Variants in MGMT observed in about 807,000 individuals in gnomAD.
The protein encoded by MGMT is O-6-methylguanine-DNA methyltransferase, also known as methylated-DNA--protein-cysteine methyltransferase.
Under a neutral mutation model 15.9 loss-of-function variants are expected in MGMT, and 14 were observed. The ratio of observed to expected loss-of-function variants is 0.88; its 90% CI spans 0.58 to 1.37. MGMT has a LOEUF of 1.37. Ranked by LOEUF, MGMT falls within the 40% of genes most tolerant of loss-of-function variation. The pLI is 0.00. For missense variants in MGMT, 282 were observed against 268.1 expected (o/e 1.05, Z -0.36); for synonymous variants, 130 against 118.2 (o/e 1.10, Z -0.65).
intron 1 of MGMT, among the ~76,000 whole-genome samples, chr10:129,510,404 G>A (rs59082584): frequency 0.069 from 10,456 of 152,178 alleles, 1,205 homozygotes; most frequent in African/African-American, 0.24. Flanking sequence ...GAGGGCCTGC[G>A]GGTGCCCTTG....
chr10:129,507,008 T>C (rs1267361151), intron 1 of MGMT, among the ~76,000 whole-genome samples: 1 of 152,188 alleles, frequency 6.6e-6, no homozygotes. Context: ...CATCACCAGG[T>C]TACTTGAGAT....
intron 2 of MGMT, among the ~76,000 whole-genome samples, chr10:129,685,539 G>A (rs1222770434): frequency 2.0e-5 from 3 of 152,092 alleles, no homozygotes; most frequent in African/African-American, 2.4e-5. Context: ...TCCTCTCCCC[G>A]GGGCCCTTTC....
chr10:129,668,165 A>G (rs1196124321), intron 2 of MGMT, among the ~76,000 whole-genome samples: 3 of 152,176 alleles, frequency 2.0e-5, no homozygotes, highest in African/African-American at 7.2e-5. Flanking sequence ...GAACGTGAAG[A>G]AAACATATTC....
chr10:129,526,828 T>C (rs1484970877), intron 1 of MGMT, among the ~76,000 whole-genome samples: 1 of 152,252 alleles, frequency 6.6e-6, no homozygotes, highest in Admixed American at 6.5e-5. Context: ...GAAGAGTTTC[T>C]GTTTCTGGGT....
chr10:129,733,284 G>T (rs1193718527), intron 3 of MGMT, among the ~76,000 whole-genome samples: 55 of 151,150 alleles, frequency 3.6e-4, no homozygotes, highest in African/African-American at 1.2e-3. Context: ...ATTGTGGTTT[G>T]GATTTGCATT....
At chr10:129,665,741 G>T (rs1465323071) in intron 2 of MGMT, among the ~76,000 whole-genome samples, 1 of 152,180 alleles carries the variant, frequency 6.6e-6, no homozygotes, top group Non-Finnish European at 1.5e-5. Context: ...ACACCAACAA[G>T]GGTGAGTTTT....
chr10:129,631,255 G>A (rs987468894), intron 2 of MGMT, among the ~76,000 whole-genome samples: 4 of 152,112 alleles, frequency 2.6e-5, no homozygotes, highest in African/African-American at 9.7e-5. Context: ...GTTAAGGGTA[G>A]AAAATAGAGG....
At chr10:129,652,115 T>A (rs944058471) in intron 2 of MGMT, among the ~76,000 whole-genome samples, 1 of 151,986 alleles carries the variant, frequency 6.6e-6, no homozygotes, top group African/African-American at 2.4e-5. Context: ...GGGGCTTGTG[T>A]GAATGGGGGA....
chr10:129,467,343 C>T (rs1312947989), intron 1 of MGMT, 47 bp downstream of exon 1: 2 of 1,505,200 alleles, frequency 1.3e-6, no homozygotes, highest in East Asian at 5.3e-5. Context: ...GGAGCTCTCC[C>T]TCGGGACGGT....
At chr10:129,501,117 T>C (rs1845569985) in intron 1 of MGMT, among the ~76,000 whole-genome samples, 1 of 152,228 alleles carries the variant, frequency 6.6e-6, no homozygotes, top group African/African-American at 2.4e-5. Flanking sequence ...ACACAGGTCC[T>C]TTCTTGCTCT....
intron 2 of MGMT, among the ~76,000 whole-genome samples, chr10:129,686,721 G>A (rs781776080): frequency 2.0e-5 from 3 of 152,124 alleles, no homozygotes; most frequent in Non-Finnish European, 4.4e-5. Flanking sequence ...TGTCCTGGAC[G>A]GTATTTCCTA....
chr10:129,684,953 T>G (rs35206234), intron 2 of MGMT, among the ~76,000 whole-genome samples: 7,171 of 152,334 alleles, frequency 0.047, 231 homozygotes, highest in Non-Finnish European at 0.072. Flanking sequence ...CTAAGCGATT[T>G]GCATCTTGAT....
rs371970141 is a variant in MGMT, at chr10:129,539,500, C to CTTTTG, written c.125+3144_125+3148dup. ...TTGGTTAGGTAGCTTTGTGATACAT[C>CTTTTG]TTTTGTTTTGTTTTGTTTTGTTTTG... is the stretch of plus-strand genomic sequence containing the variant. On this transcript the variant is annotated intron_variant, in intron 2 of 4. Transcript: ENST00000651593. 2.8e-3 allele frequency among the ~76,000 whole-genome samples: 424 copies of CTTTTG among 152,132 alleles called. 1 individual carries two copies. Among genetic ancestry groups the CTTTTG allele is most frequent in the African/African-American group, 8.9e-3 (371 of 41,508 alleles).
chr10:129,751,002 T>A (rs1020469465), intron 3 of MGMT, among the ~76,000 whole-genome samples: 14 of 152,138 alleles, frequency 9.2e-5, no homozygotes, highest in Admixed American at 3.9e-4. Context: ...TAAGAGATAC[T>A]GAACTGTACT....
At chr10:129,674,480 C>G (rs1178768994) in intron 2 of MGMT, among the ~76,000 whole-genome samples, 1 of 152,214 alleles carries the variant, frequency 6.6e-6, no homozygotes, top group African/African-American at 2.4e-5. Context: ...TGGACTCTTG[C>G]TCCTTCCTGA....
chr10:129,670,701 T>C (rs547450792), intron 2 of MGMT, among the ~76,000 whole-genome samples: 3 of 152,290 alleles, frequency 2.0e-5, no homozygotes, highest in South Asian at 4.1e-4. Context: ...TAAAAGATTA[T>C]GAAGGACATA....
intron 4 of MGMT, among the ~76,000 whole-genome samples, chr10:129,765,532 C>T (rs1463480962): frequency 6.6e-6 from 1 of 152,196 alleles, no homozygotes; most frequent in East Asian, 1.9e-4. Flanking sequence ...AAGATTTTAG[C>T]TTTATTAGGG....
intron 2 of MGMT, among the ~76,000 whole-genome samples, chr10:129,689,862 G>C (rs2133126970): frequency 6.6e-6 from 1 of 152,294 alleles, no homozygotes; most frequent in African/African-American, 2.4e-5. Flanking sequence ...ACAATGCCTG[G>C]GAAAAGAGAG....
chr10:129,747,962 C>T (rs553994590), intron 3 of MGMT, among the ~76,000 whole-genome samples: 16 of 152,250 alleles, frequency 1.1e-4, no homozygotes, highest in Admixed American at 3.3e-4. Flanking sequence ...TTCCTGAGAT[C>T]GTATCAAGGA....
Sources: allele counts gnomAD v4.1 joint callset (sites outside exome capture counted in the v4.1 genomes callset), GRCh38; gene constraint gnomAD v4.1.1; transcripts MANE v1.5; gene names NCBI Gene and HGNC (gene_info 2026-07-23, HGNC 2026-07-21).